The following WDPCP variants were observed in gnomAD, a reference collection of about 807,000 sequenced individuals.
WDPCP encodes the protein WD repeat containing planar cell polarity effector.
A neutral mutation model predicts 93.1 loss-of-function variants in WDPCP; 71 were observed. That is an observed-to-expected ratio of 0.76 (90% CI 0.63 to 0.93). The LOEUF (loss-of-function observed/expected upper bound fraction) is 0.93, where lower values mean the gene tolerates loss of function less well. Ranked by LOEUF, WDPCP falls within the 40% of genes least tolerant of loss-of-function variation. WDPCP has a pLI of 0.00. For missense variants in WDPCP, 844 were observed against 887.4 expected (o/e 0.95, Z 0.62); for synonymous variants, 315 against 315.0 (o/e 1.00, Z 0.00).
At chr2:63,520,525 C>CT in intron 1 of WDPCP, among the ~76,000 whole-genome samples, 1 of 152,322 alleles carries the variant, frequency 6.6e-6, no homozygotes, top group South Asian at 2.1e-4. Context: ...CCCATTCAGG[C>CT]TTACTGCAGA....
At chr2:63,551,981 G>T (rs1347580268) in intron 1 of WDPCP, among the ~76,000 whole-genome samples, 3 of 140,274 alleles carry the variant, frequency 2.1e-5, no homozygotes, top group Non-Finnish European at 4.6e-5. Context: ...TTTTAAGAGA[G>T]AGGGTCTCAC....
chr2:63,704,615 G>T (rs1243406128), intron 2 of WDPCP, among the ~76,000 whole-genome samples: 6 of 152,196 alleles, frequency 3.9e-5, no homozygotes, highest in Admixed American at 3.9e-4. Context: ...GATTTGCATA[G>T]GTTGAACCAC....
intron 2 of WDPCP, among the ~76,000 whole-genome samples, chr2:63,728,585 C>A (rs915549254): frequency 6.6e-6 from 1 of 151,998 alleles, no homozygotes; most frequent in Non-Finnish European, 1.5e-5. Flanking sequence ...CTTATGATAA[C>A]CCTAGGAAGT....
chr2:63,452,481 C>T lies in WDPCP; in HGVS notation c.385-12610G>A, dbSNP rs576238791. ...TGAAAGAACATTCCATGTTCATGGA[C>T]AGGAAGAATCAATATCGTGAAAATG... On this transcript the variant is annotated intron_variant, in intron 6 of 17. Coordinates refer to ENST00000272321, the MANE Select transcript of WDPCP (RefSeq NM_015910.7). Among the ~76,000 whole-genome samples, 4 of 152,210 alleles carry T rather than the reference C, an allele frequency of 2.6e-5. No individual in the cohort carries two copies. In the South Asian group the frequency reaches 6.2e-4, roughly 24 times the overall value.
At chr2:63,354,865 G>A (rs960567003) in intron 12 of WDPCP, among the ~76,000 whole-genome samples, 6 of 152,092 alleles carry the variant, frequency 3.9e-5, no homozygotes, top group Admixed American at 6.6e-5. Context: ...CTTGAAGATC[G>A]ATTATCTGAA....
chr2:63,761,315 T>C (rs1003338076), intron 2 of WDPCP, among the ~76,000 whole-genome samples: 1 of 152,216 alleles, frequency 6.6e-6, no homozygotes, highest in Non-Finnish European at 1.5e-5. Context: ...CGGATGCCAG[T>C]ATTTTGATGT....
intron 6 of WDPCP, among the ~76,000 whole-genome samples, chr2:63,454,775 A>G (rs1043307716): frequency 6.6e-6 from 1 of 152,158 alleles, no homozygotes; most frequent in African/African-American, 2.4e-5. Context: ...CAAACTGTCT[A>G]AAGTCATTAA....
At chr2:63,361,105 A>C (rs1292504255) in intron 12 of WDPCP, among the ~76,000 whole-genome samples, 1 of 152,222 alleles carries the variant, frequency 6.6e-6, no homozygotes, top group Non-Finnish European at 1.5e-5. Flanking sequence ...AAGGAGAAGG[A>C]CCAGGTCAGA....
intron 13 of WDPCP, 103 bp downstream of exon 13, chr2:63,313,145 G>T: frequency 1.9e-6 from 2 of 1,064,968 alleles, no homozygotes; most frequent in Non-Finnish European, 1.4e-6. Flanking sequence ...TTCCCACCCT[G>T]TGTCTAAGGC....
rs1393549390 is a variant in WDPCP, at chr2:63,178,576, GTTAT to G, written c.1916-3748_1916-3745del. On this transcript the variant is annotated intron_variant, in intron 14 of 17. Transcript: ENST00000272321. ...ATCCCCTCTTTCACTTTTGATTTTA[GTTAT>G]TTGAGTCTTCTCTCTTTTTTTTAAT... 3.3e-5 allele frequency among the ~76,000 whole-genome samples: 5 copies of G among 151,852 alleles called. No individual in the cohort carries two copies. In the Middle Eastern group the frequency reaches 0.01, roughly 312 times the overall value.
intron 2 of WDPCP, among the ~76,000 whole-genome samples, chr2:63,712,582 T>C (rs971654077): frequency 6.6e-6 from 1 of 152,220 alleles, no homozygotes; most frequent in Non-Finnish European, 1.5e-5. Flanking sequence ...CTGAATATGT[T>C]TGAAGCCTGC....
chr2:63,738,643 A>G (rs1301273715), intron 2 of WDPCP, among the ~76,000 whole-genome samples: 2 of 152,328 alleles, frequency 1.3e-5, no homozygotes, highest in East Asian at 3.9e-4. Flanking sequence ...AAAACCAAAT[A>G]CTGATTATAT....
At chr2:63,193,747 A>C (rs1176406692) in intron 14 of WDPCP, among the ~76,000 whole-genome samples, 1 of 152,222 alleles carries the variant, frequency 6.6e-6, no homozygotes, top group African/African-American at 2.4e-5. Context: ...TTTTTTTAAA[A>C]AAGTAAACAT....
intron 13 of WDPCP, among the ~76,000 whole-genome samples, chr2:63,297,342 C>G (rs1038687869): frequency 6.6e-6 from 1 of 152,180 alleles, no homozygotes; most frequent in Non-Finnish European, 1.5e-5. Flanking sequence ...GTTCGTCACT[C>G]TTGGATTCCT....
In WDPCP at chr2:63,121,278, A is replaced by G. The variant is rs543330650; in HGVS notation, c.*728T>C. The G allele has an allele frequency of 4.6e-5, 7 of 152,288 alleles. No homozygotes were observed. The East Asian group carries it at 9.6e-4, about 21-fold the overall frequency. The allele number at this position is 152,288 out of a possible 1,614,324, so 9.4% of individuals were successfully genotyped here. On this transcript the variant is annotated 3_prime_UTR_variant, in exon 18 of 18. Coordinates refer to ENST00000272321, the MANE Select transcript of WDPCP (RefSeq NM_015910.7). ...AACCATGGAGAATTGTCTTCTAACA[A>G]TGGATCTGGGCTGAAAAATTTGCAT...
At position 63,186,811 on chromosome 2, in the gene WDPCP, G is replaced by GTTT. The variant is rs34323591; in HGVS notation, c.1916-11982_1916-11980dup. Among the ~76,000 whole-genome samples the GTTT allele has an allele frequency of 4.4e-4, 58 of 132,568 alleles. 1 individual carries two copies. The highest frequency in any genetic ancestry group is 1.6e-3 in the African/African-American group (55 of 35,274). 87.0% of individuals were successfully genotyped at this position (132,568 alleles called of 152,430 possible). Reference sequence around the variant, plus strand: ...TGTGCACTGTTTTGTGTGTGTGTGTGTTTTTTTTTTTTTTTGCTTCCAAAT... The same window carrying GTTT: ...TGTGCACTGTTTTGTGTGTGTGTGTGTTTTTTTTTTTTTTTTTTGCTTCCAAAT... On this transcript the variant is annotated intron_variant, in intron 14 of 17. Transcript: ENST00000272321.
At chr2:63,505,697 C>T (rs922469351) in intron 1 of WDPCP, among the ~76,000 whole-genome samples, 1 of 151,986 alleles carries the variant, frequency 6.6e-6, no homozygotes, top group Non-Finnish European at 1.5e-5. Flanking sequence ...AATAATGAGT[C>T]TGATCTCAAA....
chr2:63,439,917 A>T (rs1345389688), intron 6 of WDPCP, 46 bp from the exon 7 acceptor site: 3 of 1,460,184 alleles, frequency 2.1e-6, no homozygotes, highest in Non-Finnish European at 1.9e-6. Context: ...ACATGCTGTG[A>T]TTTAGAATCT....
At chr2:63,355,067 A>G (rs780981262) in intron 12 of WDPCP, among the ~76,000 whole-genome samples, 14 of 152,224 alleles carry the variant, frequency 9.2e-5, no homozygotes, top group Non-Finnish European at 1.6e-4. Context: ...AGAGGGGCCA[A>G]CAGTCAAACT....
Sources: allele counts gnomAD v4.1 joint callset (sites outside exome capture counted in the v4.1 genomes callset), GRCh38; gene constraint gnomAD v4.1.1; transcripts MANE v1.5; gene names NCBI Gene and HGNC (gene_info 2026-07-23, HGNC 2026-07-21).